Variants in ZNF141 observed in about 807,000 individuals in gnomAD.
ZNF141 encodes zinc finger protein 141 (clone pHZ-44).
ZNF141 carries 7 observed loss-of-function variants against 11.3 expected under a neutral mutation model. That is an observed-to-expected ratio of 0.62 (90% CI 0.35 to 1.16). The LOEUF (loss-of-function observed/expected upper bound fraction) is 1.16, where lower values mean the gene tolerates loss of function less well. Among genes scored for constraint, ZNF141 ranks in the 50% most tolerant of loss-of-function variants. ZNF141 has a pLI of 0.02. For missense variants in ZNF141, 535 were observed against 554.0 expected (o/e 0.97, Z 0.34); for synonymous variants, 183 against 190.7 (o/e 0.96, Z 0.33).
rs534642500 is a variant in ZNF141, at chr4:356,180, G to A, written c.226+11750G>A. On this transcript the variant is annotated intron_variant, in intron 3 of 3. Coordinates refer to ENST00000240499, the MANE Select transcript of ZNF141 (RefSeq NM_003441.4). ...TGGGAGGCAGAGGTTGCAGTGAGCC[G>A]AGATCATGCCACCGCACTCCAGCCT... 4.0e-5 allele frequency among the ~76,000 whole-genome samples: 6 copies of A among 148,792 alleles called. 1 individual carries two copies. In the South Asian group the frequency reaches 1.1e-3, roughly 27 times the overall value.
At position 384,478 on chromosome 4, in the gene ZNF141, GT is replaced by G. The variant is rs1236935509; in HGVS notation, c.*10617del. The stretch of plus-strand genomic sequence containing the variant: ...GTTAAGAACTTCCTCTTATGCCAGG[GT>G]GTTGATCAGAAGAGACTGTCCCACT... On this transcript the variant is annotated 3_prime_UTR_variant, in exon 4 of 4. Coordinates refer to ENST00000240499, the MANE Select transcript of ZNF141 (RefSeq NM_003441.4). 4 of 152,246 alleles carry G rather than the reference GT, an allele frequency of 2.6e-5. No homozygotes were observed. The East Asian group carries it at 7.7e-4, about 29-fold the overall frequency. 9.4% of individuals were successfully genotyped at this position (152,246 alleles called of 1,614,324 possible).
intron 3 of ZNF141, among the ~76,000 whole-genome samples, chr4:350,834 G>C (rs1721560099): frequency 6.6e-6 from 1 of 152,020 alleles, no homozygotes; most frequent in Non-Finnish European, 1.5e-5. Flanking sequence ...CCACCTCACG[G>C]GTTCATGCCA....
In ZNF141 at chr4:382,931, TTATTG is replaced by T. The variant is rs1450381570; in HGVS notation, c.*9074_*9078del. 2.6e-4 allele frequency: 126 copies of T among 476,742 alleles called. No individual in the cohort carries two copies. Among genetic ancestry groups the T allele is most frequent in the Non-Finnish European group, 4.1e-4 (110 of 270,808 alleles). 29.5% of individuals were successfully genotyped at this position (476,742 alleles called of 1,614,324 possible). A position where few individuals can be genotyped will look rare whatever the true frequency, so the allele number is the denominator to read the frequency against. On this transcript the variant is annotated 3_prime_UTR_variant, in exon 4 of 4. Transcript: ENST00000240499. ...CAAAAACAGCAATTTGAAAAATTTC[TTATTG>T]TATTCATGTCCTTGGAAATGGCTTT...
At position 346,893 on chromosome 4, in the gene ZNF141, A is replaced by ACCCCCCCCCC. The variant is rs781896435; in HGVS notation, c.226+2465_226+2466insCCCCCCCCCC. ...TATATATGTATACACACACACACACACCGCCCCCCCCATATATTGGCTACT... is the reference window on the plus strand; with the variant it reads ...TATATATGTATACACACACACACACACCCCCCCCCCCCGCCCCCCCCATATATTGGCTACT... On this transcript the variant is annotated intron_variant, in intron 3 of 3. Coordinates refer to ENST00000240499, the MANE Select transcript of ZNF141 (RefSeq NM_003441.4). Among the ~76,000 whole-genome samples the ACCCCCCCCCC allele has an allele frequency of 9.6e-5, 13 of 135,460 alleles. 1 individual carries two copies. Among genetic ancestry groups the ACCCCCCCCCC allele is most frequent in the Admixed American group, 1.4e-4 (2 of 13,796 alleles). The allele number at this position is 135,460 out of a possible 152,430, so 88.9% of individuals were successfully genotyped here. A position where few individuals can be genotyped will look rare whatever the true frequency, so the allele number is the denominator to read the frequency against.
chr4:341,221 C>G (rs1415423287), intron 1 of ZNF141, among the ~76,000 whole-genome samples: 1 of 152,114 alleles, frequency 6.6e-6, no homozygotes, highest in Admixed American at 6.6e-5. Flanking sequence ...CCACCATGCC[C>G]GGCGGATTTT....
chr4:372,864 A>G lies in ZNF141; in HGVS notation c.427A>G (p.Lys143Glu). ...TGAATGCTTGTCAACTACCCAGAGC[A>G]AAATACTTCAGTGTAAAGCAAGTGT... ...FNECLSTTQS[K>E]ILQCKASVKV... Residue 143 changes from lysine (K) to glutamate (E), a missense_variant, in exon 4 of 4, where the codon AAA (lysine) becomes GAA (glutamate). Lys to Glu is a moderately conservative substitution (Grantham distance 56). Transcript: ENST00000240499. 1.9e-6 allele frequency: 3 copies of G among 1,612,902 alleles called. No individual in the cohort carries two copies. The highest frequency in any genetic ancestry group is 2.5e-6 in the Non-Finnish European group (3 of 1,179,148).
chr4:364,910 T>C (rs1363740740), intron 3 of ZNF141, among the ~76,000 whole-genome samples: 2 of 152,240 alleles, frequency 1.3e-5, no homozygotes, highest in African/African-American at 4.8e-5. Context: ...CTGCTGCCTT[T>C]TGTTCAGCTA....
Position 368,763 on chromosome 4 carries a change from T to C in ZNF141, c.227-3901T>C, listed in dbSNP as rs73068217. ...CCTTCATACTCATACCAAATTGCTT[T>C]AATTCTTTAGCTTTGTATGTTTTTT... On this transcript the variant is annotated intron_variant, in intron 3 of 3. Coordinates refer to ENST00000240499, the MANE Select transcript of ZNF141 (RefSeq NM_003441.4). 1.1e-3 allele frequency among the ~76,000 whole-genome samples: 162 copies of C among 152,346 alleles called. 1 individual carries two copies. The highest frequency in any genetic ancestry group is 3.8e-3 in the African/African-American group (159 of 41,580).
intron 3 of ZNF141, among the ~76,000 whole-genome samples, chr4:371,025 C>A (rs964858903): frequency 6.6e-6 from 1 of 151,584 alleles, no homozygotes; most frequent in African/African-American, 2.4e-5. Context: ...AGCCACCATG[C>A]CTGGCCACAT....
intron 3 of ZNF141, among the ~76,000 whole-genome samples, chr4:350,940 G>T (rs144499965): frequency 0.011 from 1,650 of 150,846 alleles, 26 homozygotes; most frequent in African/African-American, 0.038. Flanking sequence ...TAGTAGAGAC[G>T]GGGTTTCACC....
intron 1 of ZNF141, among the ~76,000 whole-genome samples, chr4:343,478 C>T (rs931117589): frequency 3.9e-5 from 6 of 152,092 alleles, no homozygotes; most frequent in African/African-American, 1.4e-4. Context: ...GTAATCCCAG[C>T]ACTGTGGGAG....
intron 1 of ZNF141, among the ~76,000 whole-genome samples, chr4:341,250 A>G (rs1172460704): frequency 3.3e-5 from 5 of 151,896 alleles, no homozygotes; most frequent in South Asian, 2.1e-4. Flanking sequence ...TGTAGTAGAG[A>G]TGGGGTTTCA....
In ZNF141 at chr4:343,912, A is replaced by G; in HGVS notation, c.130+4A>G. ...TACAGGAACCTGGTCTCCCTGGGTGAGGATAACTTCAATACATAATTCCTA... is the reference window on the plus strand; with the variant it reads ...TACAGGAACCTGGTCTCCCTGGGTGGGGATAACTTCAATACATAATTCCTA... On this transcript the variant is annotated splice_donor_region_variant and intron_variant, in intron 2 of 3. Transcript: ENST00000240499. 1 of 1,591,450 alleles carries G rather than the reference A, an allele frequency of 6.3e-7. No homozygotes were observed. The highest frequency in any genetic ancestry group is 1.2e-5 in the South Asian group (1 of 86,420).
At position 380,298 on chromosome 4, in the gene ZNF141, C is replaced by G. The variant is rs781965204; in HGVS notation, c.*6436C>G. On this transcript the variant is annotated 3_prime_UTR_variant, in exon 4 of 4. Transcript: ENST00000240499. ...AGCATGTATTGGAATTCCGTATATACATGTTTTAGTAATAGTTGATTTCTA... is the reference window on the plus strand; with the variant it reads ...AGCATGTATTGGAATTCCGTATATAGATGTTTTAGTAATAGTTGATTTCTA... 2.6e-5 allele frequency among the ~76,000 whole-genome samples: 4 copies of G among 152,136 alleles called. No homozygotes were observed. The highest frequency in any genetic ancestry group is 5.9e-5 in the Non-Finnish European group (4 of 68,028).
intron 3 of ZNF141, among the ~76,000 whole-genome samples, chr4:367,664 G>A (rs559501640): frequency 2.2e-4 from 33 of 151,908 alleles, no homozygotes; most frequent in Admixed American, 5.9e-4. Flanking sequence ...TTACAGGTGC[G>A]CACCACCATG....
chr4:372,413 C>T (rs1553853686), intron 3 of ZNF141, among the ~76,000 whole-genome samples: 1 of 152,190 alleles, frequency 6.6e-6, no homozygotes, highest in East Asian at 1.9e-4. Flanking sequence ...AACATTCCTT[C>T]CTGTTCTATG....
At chr4:359,868 C>T (rs1722025992) in intron 3 of ZNF141, among the ~76,000 whole-genome samples, 1 of 152,160 alleles carries the variant, frequency 6.6e-6, no homozygotes, top group Admixed American at 6.5e-5. Flanking sequence ...TCTTCCACAT[C>T]ATGACTGACA....
chr4:337,821 C>G lies in ZNF141; in HGVS notation c.-163C>G. ...TTCCGGGATGTGGCGCGGGTCTTTG[C>G]GTCTGGCTACTACCAGACCGCGGGT... On this transcript the variant is annotated 5_prime_UTR_variant, in exon 1 of 4. Coordinates refer to ENST00000240499, the MANE Select transcript of ZNF141 (RefSeq NM_003441.4). The G allele has an allele frequency of 1.2e-6, 1 of 855,444 alleles. No homozygotes were observed. The highest frequency in any genetic ancestry group is 1.9e-6 in the Non-Finnish European group (1 of 534,664). 53.0% of individuals were successfully genotyped at this position (855,444 alleles called of 1,614,324 possible).
intron 3 of ZNF141, among the ~76,000 whole-genome samples, chr4:363,579 AC>A (rs1172365056): frequency 1.3e-5 from 2 of 152,046 alleles, no homozygotes; most frequent in Non-Finnish European, 2.9e-5. Flanking sequence ...ACACCGTGAA[AC>A]CTCGTCTGTA....
Sources: allele counts gnomAD v4.1 joint callset (sites outside exome capture counted in the v4.1 genomes callset), GRCh38; gene constraint gnomAD v4.1.1; transcripts MANE v1.5; gene names NCBI Gene and HGNC (gene_info 2026-07-23, HGNC 2026-07-21).